Variants in CHRNE observed in about 807,000 individuals in gnomAD.
CHRNE encodes acetylcholine receptor subunit epsilon.
Under a neutral mutation model 56.5 loss-of-function variants are expected in CHRNE, and 58 were observed. The observed-to-expected ratio is 1.03, with a 90% CI of 0.83 to 1.28. CHRNE has a LOEUF of 1.28. Ranked by LOEUF, CHRNE falls within the 50% of genes most tolerant of loss-of-function variation. CHRNE has a pLI of 0.00. For synonymous variants in CHRNE, 385 were observed against 297.9 expected (o/e 1.29, Z -3.01); for missense variants, 793 against 688.9 (o/e 1.15, Z -1.69).
At chr17:4,901,698 G>A (rs1243546579) in intron 5 of CHRNE, 73 bp from the exon 6 acceptor site, 22 of 1,473,838 alleles carry the variant, frequency 1.5e-5, no homozygotes, top group East Asian at 6.8e-5. Flanking sequence ...AGCCCTGGAA[G>A]CTGGGATCTA....
chr17:4,902,356 C>T lies in CHRNE; in HGVS notation c.235-30G>A, dbSNP rs371925945. The stretch of plus-strand genomic sequence containing the variant: ...GGGGTGGGGGATGGAAGGCCGCGTG[C>T]CCTGCATCTCCCACCTGGCGCTGCC... On this transcript the variant is annotated intron_variant, in intron 3 of 11. Transcript: ENST00000649488. The surrounding 1 kb of genome is among the most constrained non-coding windows in gnomAD (Gnocchi z 4.0). The T allele has an allele frequency of 6.2e-7, 1 of 1,613,482 alleles. No individual in the cohort carries two copies. Among genetic ancestry groups the T allele is most frequent in the Non-Finnish European group, 8.5e-7 (1 of 1,179,430 alleles).
intron 9 of CHRNE, 36 bp downstream of exon 9, chr17:4,899,432 C>G (rs1382746435): frequency 5.2e-6 from 8 of 1,552,854 alleles, no homozygotes; most frequent in Non-Finnish European, 4.3e-6. Context: ...CGAAGCCCCA[C>G]CCCGACCCGG....
chr17:4,898,592 A>T lies in CHRNE; in HGVS notation c.*144T>A, dbSNP rs12936083. ...CGGCCAGGCCTACACACGCCAGGGA[A>T]CGGGCACACACCATTCTTGTGAAGT... On this transcript the variant is annotated 3_prime_UTR_variant, in exon 12 of 12. Transcript: ENST00000649488. The T allele has an allele frequency of 8.8e-7, 1 of 1,137,178 alleles. No individual in the cohort carries two copies. The highest frequency in any genetic ancestry group is 1.3e-6 in the Non-Finnish European group (1 of 793,146). The allele number at this position is 1,137,178 out of a possible 1,614,324, so 70.4% of individuals were successfully genotyped here. A position where few individuals can be genotyped will look rare whatever the true frequency, so the allele number is the denominator to read the frequency against.
rs1567636930 is a variant in CHRNE at position 4,899,491 on chromosome 17, C to T, written c.1009G>A (p.Ala337Thr). The T allele has an allele frequency of 4.4e-6, 7 of 1,600,836 alleles. No homozygotes were observed. Among genetic ancestry groups the T allele is most frequent in the Admixed American group, 3.4e-5 (2 of 58,254 alleles). ...ACGTGGCGCAGCCGCGGGGACATGG[C>T]GTGGGTGGTGGGCGTCCGCTGGGAC... The part of the protein sequence containing the change: ...NVSQRTPTTH[A>T]MSPRLRHVLL... Residue 337 changes from alanine to threonine, a missense_variant, in exon 9 of 12, where the codon GCC becomes ACC. Transcript: ENST00000649488.
upstream of CHRNE, among the ~76,000 whole-genome samples, chr17:4,907,265 T>C (rs1427103371): frequency 2.6e-5 from 4 of 152,014 alleles, no homozygotes; most frequent in Non-Finnish European, 5.9e-5. Flanking sequence ...GCAAGGGTCC[T>C]TCAAGAAAAC....
At chr17:4,900,642 C>T (rs1306963684) in intron 8 of CHRNE, 151 bp downstream of exon 8, 27 of 1,460,934 alleles carry the variant, frequency 1.8e-5, no homozygotes, top group Middle Eastern at 2.2e-4. Flanking sequence ...GACGGCGGAC[C>T]AGGGACTCCA....
rs768717142 is a variant in CHRNE, at chr17:4,898,842, A to C, written c.1376T>G (p.Phe459Cys). The change falls in exon 12 of 12, where the codon TTC (phenylalanine) becomes TGC (cysteine). Residue 459 changes from phenylalanine (F) to cysteine (C), a missense_variant. Phe to Cys is a radical substitution (Grantham distance 205). Coordinates refer to ENST00000649488, the MANE Select transcript of CHRNE (RefSeq NM_000080.4). The stretch of plus-strand genomic sequence containing the variant: ...GCTGAAGAGCACCAGAGCGGCCCAG[A>C]AGCAGATGTTGTCAAGGGCATTCCC... ...RMGNALDNIC[F>C]WAALVLFSVG... The C allele has an allele frequency of 4.4e-6, 7 of 1,595,584 alleles. No homozygotes were observed. Among genetic ancestry groups the C allele is most frequent in the Non-Finnish European group, 6.0e-6 (7 of 1,171,942 alleles).
rs200035803 is a variant in CHRNE, at chr17:4,899,488, T to G, written c.1012A>C (p.Met338Leu). The G allele has an allele frequency of 1.2e-6, 2 of 1,600,248 alleles. No individual in the cohort carries two copies. The highest frequency in any genetic ancestry group is 2.3e-5 in the East Asian group (1 of 44,392). Reference protein sequence around the residue: ...VSQRTPTTHAMSPRLRHVLLE... With the variant: ...VSQRTPTTHALSPRLRHVLLE... The stretch of plus-strand genomic sequence containing the variant: ...CTTACGTGGCGCAGCCGCGGGGACA[T>G]GGCGTGGGTGGTGGGCGTCCGCTGG... The change falls in exon 9 of 12, where the codon ATG becomes CTG. Residue 338 changes from methionine to leucine, a missense_variant. Transcript: ENST00000649488.
In CHRNE at chr17:4,901,991, G is replaced by A. The variant is rs779058823; in HGVS notation, c.441C>T (p.Val147=). The A allele has an allele frequency of 3.7e-6, 6 of 1,614,120 alleles. No homozygotes were observed. The highest frequency in any genetic ancestry group is 3.3e-5 in the South Asian group (3 of 91,084). Residue 147 remains valine (V), a synonymous_variant, in exon 5 of 12, where the codon GTC becomes GTT. Coordinates refer to ENST00000649488, the MANE Select transcript of CHRNE (RefSeq NM_000080.4). ...TWLPPAIYRS[V]CAVEVTYFPF... ...GGAAGTAGGTGACCTCCACTGCGCAGACGCTGCGGTAGATGGCCGGAGGCA... is the reference window on the plus strand; with the variant it reads ...GGAAGTAGGTGACCTCCACTGCGCAAACGCTGCGGTAGATGGCCGGAGGCA...
chr17:4,899,077 G>C lies in CHRNE; in HGVS notation c.1250C>G (p.Ala417Gly), dbSNP rs768258598. ...ATCCACACAGCAGCGGACCTCGGGG[G>C]CGGCGGCGCCCAGGCTCTGGCAGAA... Reference protein sequence around the residue: ...AAFCQSLGAAAPEVRCCVDAV... With the variant: ...AAFCQSLGAAGPEVRCCVDAV... The change falls in exon 11 of 12, where the codon GCC becomes GGC. Residue 417 changes from alanine to glycine, a missense_variant. Ala to Gly is a moderately conservative substitution (Grantham distance 60). Transcript: ENST00000649488. The C allele has an allele frequency of 3.1e-6, 5 of 1,611,388 alleles. No homozygotes were observed. The South Asian group carries it at 5.5e-5, about 18-fold the overall frequency.
intron 8 of CHRNE, chr17:4,900,005 C>T: frequency 1.9e-6 from 3 of 1,549,788 alleles, no homozygotes; most frequent in Non-Finnish European, 1.7e-6. Context: ...ATATCTGGAG[C>T]AGAGGTTCAG....
intron 8 of CHRNE, 75 bp downstream of exon 8, chr17:4,900,718 T>A (rs1969952422): frequency 6.7e-7 from 1 of 1,503,168 alleles, no homozygotes; most frequent in Non-Finnish European, 9.1e-7. Context: ...CCAGAGCTTT[T>A]CCCGGGGTCT....
chr17:4,899,954 C>T, intron 8 of CHRNE: 1 of 1,551,050 alleles, frequency 6.4e-7, no homozygotes, highest in Non-Finnish European at 8.7e-7. Flanking sequence ...CCAGCCCCCG[C>T]TTCTGTCTTC....
chr17:4,900,804 C>A lies in CHRNE; in HGVS notation c.906G>T (p.Pro302=), dbSNP rs374156332. 2 of 1,613,574 alleles carry A rather than the reference C, an allele frequency of 1.2e-6. No individual in the cohort carries two copies. Among genetic ancestry groups the A allele is most frequent in the African/African-American group, 2.7e-5 (2 of 74,928 alleles). The change falls in exon 8 of 12, where the codon CCG becomes CCT. Residue 302 remains proline (P), a synonymous_variant. Coordinates refer to ENST00000649488, the MANE Select transcript of CHRNE (RefSeq NM_000080.4). ...QKIPETSLSV[P]LLGRFLIFVM... ...GGCTCCGGCTTCACCTGCCCAGGAG[C>A]GGCACGCTCAGAGAAGTCTCTGGGA...
chr17:4,898,634 G>A lies in CHRNE; in HGVS notation c.*102C>T. On this transcript the variant is annotated 3_prime_UTR_variant, in exon 12 of 12. Transcript: ENST00000649488. ...TTGTGAAGTTCACAAACTGCAGATT[G>A]ATCAGCAGGGGGAAGGGATCATAAT... 1 of 1,444,014 alleles carries A rather than the reference G, an allele frequency of 6.9e-7. No homozygotes were observed. Among genetic ancestry groups the A allele is most frequent in the South Asian group, 1.2e-5 (1 of 81,522 alleles). The allele number at this position is 1,444,014 out of a possible 1,614,324, so 89.5% of individuals were successfully genotyped here.
intron 8 of CHRNE, chr17:4,900,430 G>C: frequency 6.4e-7 from 1 of 1,551,068 alleles, no homozygotes; most frequent in Non-Finnish European, 8.7e-7. Context: ...TGCCTGTGTG[G>C]ACGGGGTCTG....
upstream of CHRNE, among the ~76,000 whole-genome samples, chr17:4,905,468 G>A (rs1398628201): frequency 6.6e-6 from 1 of 152,192 alleles, no homozygotes; most frequent in Non-Finnish European, 1.5e-5. Flanking sequence ...AGGAGGCTGA[G>A]GCGGGAGGAT....
rs759577243 is a variant in CHRNE at position 4,899,312 on chromosome 17, G to A, written c.1105C>T (p.Pro369Ser). The A allele has an allele frequency of 9.5e-6, 15 of 1,577,178 alleles. No homozygotes were observed. The highest frequency in any genetic ancestry group is 1.3e-5 in the Non-Finnish European group (15 of 1,168,166). Residue 369 changes from proline (P) to serine (S), a missense_variant, in exon 10 of 12, where the codon CCA (proline) becomes TCA (serine). Pro to Ser is a moderately conservative substitution (Grantham distance 74, BLOSUM62 -1). Transcript: ENST00000649488. ...AAGCCCACCGACGACGCCCGCCTTG[G>A]GGGCGAGGCGGCCCGGGGGGCCTCG... Reference protein sequence around the residue: ...PPEAPRAASPPRRASSVGLLL... With the variant: ...PPEAPRAASPSRRASSVGLLL...
At chr17:4,900,632 G>A in intron 8 of CHRNE, 161 bp downstream of exon 8, 1 of 1,491,420 alleles carries the variant, frequency 6.7e-7, no homozygotes, top group Non-Finnish European at 9.1e-7. Context: ...CAGTGAGGAG[G>A]ACGGCGGACC....
Sources: allele counts gnomAD v4.1 joint callset (sites outside exome capture counted in the v4.1 genomes callset), GRCh38; gene constraint gnomAD v4.1.1; non-coding constraint Gnocchi (gnomAD v3.1); transcripts MANE v1.5; gene names NCBI Gene and HGNC (gene_info 2026-07-23, HGNC 2026-07-21).